RNF180: variants seen among roughly 807,000 people sequenced by gnomAD.
The protein encoded by RNF180 is E3 ubiquitin-protein ligase RNF180.
RNF180 carries 38 observed loss-of-function variants against 59.2 expected under a neutral mutation model. That is an observed-to-expected ratio of 0.64 (90% CI 0.50 to 0.84). RNF180 has a LOEUF of 0.84. RNF180 is among the 40% of genes least tolerant of loss of function. The pLI is 0.00. For synonymous variants in RNF180, 262 were observed against 240.3 expected (o/e 1.09, Z -0.84); for missense variants, 705 against 700.9 (o/e 1.01, Z -0.07).
chr5:64,228,351 C>T (rs1187605526), intron 5 of RNF180, among the ~76,000 whole-genome samples: 2 of 151,910 alleles, frequency 1.3e-5, no homozygotes, highest in Non-Finnish European at 2.9e-5. Context: ...CCCATCTCTA[C>T]AAAAAATGTA....
chr5:64,166,813 T>G (rs1749666200), intron 1 of RNF180, among the ~76,000 whole-genome samples: 1 of 152,218 alleles, frequency 6.6e-6, no homozygotes, highest in Non-Finnish European at 1.5e-5. Flanking sequence ...AATCTGTGAT[T>G]AGAACTTGTC....
chr5:64,183,488 C>T (rs1363265726), intron 1 of RNF180, among the ~76,000 whole-genome samples: 1 of 116,518 alleles, frequency 8.6e-6, no homozygotes, highest in African/African-American at 3.5e-5. Context: ...CTCTCTATTG[C>T]CCAAGCTGGA....
intron 5 of RNF180, among the ~76,000 whole-genome samples, chr5:64,309,930 G>A (rs2112478161): frequency 6.6e-6 from 1 of 151,470 alleles, no homozygotes; most frequent in African/African-American, 2.4e-5. Context: ...AGGAACAAAG[G>A]CCTAGAGAAT....
intron 7 of RNF180, among the ~76,000 whole-genome samples, chr5:64,351,336 A>T (rs1362449086): frequency 3.3e-5 from 5 of 152,174 alleles, no homozygotes; most frequent in African/African-American, 1.2e-4. Flanking sequence ...ATATACAATC[A>T]TGTCATCTGC....
At chr5:64,274,574 A>G (rs1050843457) in intron 5 of RNF180, among the ~76,000 whole-genome samples, 1 of 151,936 alleles carries the variant, frequency 6.6e-6, no homozygotes, top group Non-Finnish European at 1.5e-5. Flanking sequence ...CTGTGATCTT[A>G]TGGCTTTTAC....
chr5:64,248,942 A>G (rs1391219235), intron 5 of RNF180, among the ~76,000 whole-genome samples: 1 of 152,152 alleles, frequency 6.6e-6, no homozygotes, highest in Non-Finnish European at 1.5e-5. Context: ...GGGTGAATTC[A>G]TTTCCTCTCC....
At chr5:64,305,023 G>A (rs1743355773) in intron 5 of RNF180, among the ~76,000 whole-genome samples, 1 of 151,600 alleles carries the variant, frequency 6.6e-6, no homozygotes, top group Admixed American at 6.6e-5. Flanking sequence ...ATGATCATTA[G>A]TACTTTTTAG....
chr5:64,193,966 A>G (rs1045059329), intron 1 of RNF180, among the ~76,000 whole-genome samples: 1 of 152,220 alleles, frequency 6.6e-6, no homozygotes, highest in Admixed American at 6.5e-5. Context: ...GATGAGAGGA[A>G]AAGAGGGAAA....
At chr5:64,263,450 A>C (rs1561225984) in intron 5 of RNF180, among the ~76,000 whole-genome samples, 3 of 152,196 alleles carry the variant, frequency 2.0e-5, no homozygotes, top group Non-Finnish European at 4.4e-5. Context: ...ACATCCCTAG[A>C]TAAAATATGT....
In RNF180 at chr5:64,337,778, T is replaced by G. The variant is rs554647606; in HGVS notation, c.1579+7372T>G. Among the ~76,000 whole-genome samples the G allele has an allele frequency of 3.4e-3, 519 of 151,950 alleles. 4 individuals carry two copies. The highest frequency in any genetic ancestry group is 9.7e-3 in the African/African-American group (404 of 41,436). On this transcript the variant is annotated intron_variant, in intron 7 of 7. Transcript: ENST00000389100. Reference sequence around the variant, plus strand: ...GGTGTTTGGTTTTTTGTCCTTGCGATAGTTTACTGAGAATGATGATTTCCA... The same window carrying G: ...GGTGTTTGGTTTTTTGTCCTTGCGAGAGTTTACTGAGAATGATGATTTCCA...
In RNF180 at chr5:64,305,929, C is replaced by G. The variant is rs570414795; in HGVS notation, c.1228-19257C>G. On this transcript the variant is annotated intron_variant, in intron 5 of 7. Transcript: ENST00000389100. The stretch of plus-strand genomic sequence containing the variant: ...CCATGCAATGACTCTTTAAGGAAAT[C>G]TGTTTATACATGGTTTCAATTGCTT... Among the ~76,000 whole-genome samples, 7 of 151,608 alleles carry G rather than the reference C, an allele frequency of 4.6e-5. No homozygotes were observed. The East Asian group carries it at 1.2e-3, about 25-fold the overall frequency.
chr5:64,197,086 A>C (rs1223169199), intron 1 of RNF180, among the ~76,000 whole-genome samples: 1 of 152,238 alleles, frequency 6.6e-6, no homozygotes, highest in Non-Finnish European at 1.5e-5. Flanking sequence ...TTACTGTGTC[A>C]AATGCTGGTA....
At chr5:64,169,027 G>A (rs1383336214) in intron 1 of RNF180, among the ~76,000 whole-genome samples, 2 of 152,198 alleles carry the variant, frequency 1.3e-5, no homozygotes, top group Non-Finnish European at 2.9e-5. Context: ...ACTTTTAAGT[G>A]TTAAAGCAGA....
intron 1 of RNF180, among the ~76,000 whole-genome samples, chr5:64,179,043 C>G (rs1019879873): frequency 6.6e-6 from 1 of 152,098 alleles, no homozygotes; most frequent in African/African-American, 2.4e-5. Flanking sequence ...CTGCTCCTTC[C>G]CCACTCCCCA....
intron 1 of RNF180, among the ~76,000 whole-genome samples, chr5:64,179,803 A>T (rs1432819837): frequency 2.0e-5 from 3 of 152,176 alleles, no homozygotes; most frequent in East Asian, 3.8e-4. Flanking sequence ...ATTTTATCAG[A>T]CATTATCAAA....
chr5:64,165,519 T>C (rs1749574959), upstream of RNF180, among the ~76,000 whole-genome samples: 1 of 152,222 alleles, frequency 6.6e-6, no homozygotes, highest in Non-Finnish European at 1.5e-5. Flanking sequence ...GTAGTTGGCT[T>C]GGATCTCTTA....
chr5:64,273,758 A>G (rs1741562231), intron 5 of RNF180, among the ~76,000 whole-genome samples: 1 of 152,032 alleles, frequency 6.6e-6, no homozygotes, highest in Non-Finnish European at 1.5e-5. Context: ...TCACTGAAAG[A>G]AAAGGCACAA....
intron 7 of RNF180, among the ~76,000 whole-genome samples, chr5:64,335,888 T>C (rs1213052045): frequency 1.3e-5 from 2 of 152,182 alleles, no homozygotes; most frequent in South Asian, 2.1e-4. Context: ...AGTACTTCTA[T>C]CAGTGTTGTT....
At chr5:64,205,591 A>C (rs1030182289) in intron 2 of RNF180, among the ~76,000 whole-genome samples, 3 of 152,128 alleles carry the variant, frequency 2.0e-5, no homozygotes, top group Non-Finnish European at 2.9e-5. Flanking sequence ...ATATTTTAGG[A>C]GGCTGCTCGG....
Sources: allele counts gnomAD v4.1 joint callset (sites outside exome capture counted in the v4.1 genomes callset), GRCh38; gene constraint gnomAD v4.1.1; transcripts MANE v1.5; gene names NCBI Gene and HGNC (gene_info 2026-07-23, HGNC 2026-07-21).